PTPRE: variants seen among roughly 807,000 people sequenced by gnomAD.
The protein encoded by PTPRE is receptor-type tyrosine-protein phosphatase epsilon.
A neutral mutation model predicts 102.0 loss-of-function variants in PTPRE; 51 were observed. That is an observed-to-expected ratio of 0.50 (90% CI 0.40 to 0.63). PTPRE has a LOEUF of 0.63. Ranked by LOEUF, PTPRE falls within the 30% of genes least tolerant of loss-of-function variation. PTPRE has a pLI of 0.00. For synonymous variants in PTPRE, 345 were observed against 348.2 expected, an observed-to-expected ratio of 0.99 and a Z score of 0.10; for missense variants, 752 against 915.1, an observed-to-expected ratio of 0.82 and a Z score of 2.30.
At chr10:127,973,395 C>T (rs1438346761) in intron 1 of PTPRE, among the ~76,000 whole-genome samples, 3 of 152,168 alleles carry the variant, frequency 2.0e-5, no homozygotes. Context: ...AGAATCTTCT[C>T]TGTTATCTCT....
At chr10:128,057,023 C>T (rs569409984) in intron 7 of PTPRE, among the ~76,000 whole-genome samples, 244 of 152,152 alleles carry the variant, frequency 1.6e-3, no homozygotes, top group Middle Eastern at 0.01. Context: ...CAAGACCAGC[C>T]TGGCCAAGAT....
intron 2 of PTPRE, among the ~76,000 whole-genome samples, chr10:127,991,988 T>G (rs1564857264): frequency 6.6e-6 from 1 of 152,158 alleles, no homozygotes; most frequent in African/African-American, 2.4e-5. Flanking sequence ...CTGCCTGTCC[T>G]GAGCACTGAC....
Position 128,070,467 on chromosome 10 carries a change from C to G in PTPRE, c.1293+17C>G. On this transcript the variant is annotated intron_variant, in intron 14 of 20. Transcript: ENST00000254667. This position sits in a 1 kb window ranked among gnomAD's most constrained non-coding sequence, Gnocchi z 4.8. ...GAGTTCAGGGTGAGTACAGCTGACCCTCCTCTCCATCCTGGTGTAAGCAGC... is the reference window on the plus strand; with the variant it reads ...GAGTTCAGGGTGAGTACAGCTGACCGTCCTCTCCATCCTGGTGTAAGCAGC... 6.2e-7 allele frequency: 1 copy of G among 1,609,432 alleles called. No homozygotes were observed. Among genetic ancestry groups the G allele is most frequent in the Non-Finnish European group, 8.5e-7 (1 of 1,178,164 alleles).
rs571360325 is a variant in PTPRE at position 128,065,446 on chromosome 10, G to A, written c.724-629G>A. Among the ~76,000 whole-genome samples, 280 of 152,340 alleles carry A rather than the reference G, an allele frequency of 1.8e-3. 2 individuals carry two copies. Among genetic ancestry groups the A allele is most frequent in the Non-Finnish European group, 3.5e-3 (238 of 68,036 alleles). ...TGCAAAATGAAAGGGCTCCTGGAAC[G>A]TGTATTTTGGGTCATTCTTGCTTCA... On this transcript the variant is annotated intron_variant, in intron 10 of 20. Coordinates refer to ENST00000254667, the MANE Select transcript of PTPRE (RefSeq NM_006504.6).
intron 2 of PTPRE, among the ~76,000 whole-genome samples, chr10:128,038,492 T>C (rs2135785169): frequency 6.6e-6 from 1 of 151,976 alleles, no homozygotes; most frequent in African/African-American, 2.4e-5. Flanking sequence ...AAGGGATGAG[T>C]TCATGTCCTT....
chr10:128,078,157 T>C (rs540360412), intron 19 of PTPRE, among the ~76,000 whole-genome samples: 253 of 151,914 alleles, frequency 1.7e-3, no homozygotes, highest in Non-Finnish European at 2.7e-3. Context: ...ACTGCCTTAC[T>C]GGGCTGCATT....
rs1844693254 is a variant in PTPRE, at chr10:128,008,414, G to C, written c.-8+26118G>C. Reference sequence around the variant, plus strand: ...CTGAAAAAGCCTCCCATCAAGGAGAGAAATCCTAGAGATGCTTAGCAAAAG... The same window carrying C: ...CTGAAAAAGCCTCCCATCAAGGAGACAAATCCTAGAGATGCTTAGCAAAAG... On this transcript the variant is annotated intron_variant, in intron 2 of 20. Transcript: ENST00000254667. This position sits in a 1 kb window ranked among gnomAD's most constrained non-coding sequence, Gnocchi z 4.0. Among the ~76,000 whole-genome samples the C allele has an allele frequency of 1.3e-5, 2 of 152,220 alleles. No individual in the cohort carries two copies. Among genetic ancestry groups the C allele is most frequent in the South Asian group, 4.1e-4 (2 of 4,836 alleles).
At chr10:128,021,523 A>G (rs1845887722) in intron 2 of PTPRE, among the ~76,000 whole-genome samples, 1 of 152,236 alleles carries the variant, frequency 6.6e-6, no homozygotes, top group African/African-American at 2.4e-5. Context: ...GCTCCCCAGA[A>G]CATGAGCTCT....
chr10:128,040,008 G>A (rs1847542161), intron 2 of PTPRE, among the ~76,000 whole-genome samples: 1 of 152,204 alleles, frequency 6.6e-6, no homozygotes, highest in Non-Finnish European at 1.5e-5. Context: ...GCATGAAAGA[G>A]CCTTTTTCTG....
At chr10:128,067,210 A>G (rs1184562723) in intron 11 of PTPRE, among the ~76,000 whole-genome samples, 1 of 150,928 alleles carries the variant, frequency 6.6e-6, no homozygotes, top group Admixed American at 6.6e-5. Context: ...ATACACCCAC[A>G]CACATTCACA....
chr10:128,052,045 G>T (rs545520549), intron 6 of PTPRE, among the ~76,000 whole-genome samples: 1 of 152,014 alleles, frequency 6.6e-6, no homozygotes, highest in South Asian at 2.1e-4. Context: ...TACTTTTTTT[G>T]TAGAGATGGG....
chr10:127,998,152 C>T (rs1474023843), intron 2 of PTPRE: 5 of 152,212 alleles, frequency 3.3e-5, no homozygotes, highest in Admixed American at 1.3e-4. Context: ...CAGTCAGTAG[C>T]GCTGGCTGTC....
chr10:128,040,985 C>T lies in PTPRE; in HGVS notation c.104C>T (p.Thr35Ile). The T allele has an allele frequency of 6.2e-7, 1 of 1,614,030 alleles. No individual in the cohort carries two copies. Among genetic ancestry groups the T allele is most frequent in the Non-Finnish European group, 8.5e-7 (1 of 1,179,968 alleles). ...GCCGACAGCAACGAGACAACCACGA[C>T]CTCAGGTAAGGACCCCTTTCCCTGG... ...TTADSNETTT[T>I]SGPPDPGASQ... Residue 35 changes from threonine (T) to isoleucine (I), a missense_variant, in exon 3 of 21, where the codon ACC (threonine) becomes ATC (isoleucine). Around this residue, in one of 2 missense-constraint regions of PTPRE, gnomAD observed 116 missense variants for 90.8 expected, o/e 1.28. Coordinates refer to ENST00000254667, the MANE Select transcript of PTPRE (RefSeq NM_006504.6).
At chr10:128,056,257 C>A in intron 7 of PTPRE, 44 bp downstream of exon 7, 2 of 1,512,860 alleles carry the variant, frequency 1.3e-6, no homozygotes, top group Non-Finnish European at 1.8e-6. Flanking sequence ...GGTGTTTGCA[C>A]TAAACTCAGC....
intron 2 of PTPRE, among the ~76,000 whole-genome samples, chr10:128,040,166 C>T (rs916775362): frequency 2.6e-5 from 4 of 152,180 alleles, no homozygotes; most frequent in Non-Finnish European, 5.9e-5. Context: ...ACCTCCACTT[C>T]ACCTGAGAGT....
At chr10:128,035,963 G>T (rs1406570898) in intron 2 of PTPRE, among the ~76,000 whole-genome samples, 1 of 152,168 alleles carries the variant, frequency 6.6e-6, no homozygotes, top group African/African-American at 2.4e-5. Context: ...CTTACACAGG[G>T]CCAGACAGTG....
chr10:127,934,017 C>G (rs1368166951), intron 1 of PTPRE: 1 of 107,336 alleles, frequency 9.3e-6, no homozygotes, highest in African/African-American at 4.1e-5. Flanking sequence ...TTCCCCCCAC[C>G]CCCCGCGCAC....
intron 1 of PTPRE, among the ~76,000 whole-genome samples, chr10:127,948,851 G>T (rs146453624): frequency 6.6e-6 from 1 of 152,350 alleles, no homozygotes; most frequent in Non-Finnish European, 1.5e-5. Flanking sequence ...TCCTTCCAGA[G>T]GAATTTAGCA....
intron 2 of PTPRE, among the ~76,000 whole-genome samples, chr10:127,983,137 C>A (rs977105835): frequency 1.3e-5 from 2 of 152,170 alleles, no homozygotes; most frequent in African/African-American, 2.4e-5. Flanking sequence ...TGTTCCCTGG[C>A]TGGCCCTCTT....
Sources: gnomAD v4.1 joint callset for allele counts (sites outside exome capture counted in the v4.1 genomes callset) on GRCh38, gnomAD v4.1.1 for gene constraint, gnomAD v4.1.1 regional missense constraint, Gnocchi (gnomAD v3.1) non-coding constraint, MANE v1.5 for transcripts, NCBI Gene and HGNC (gene_info 2026-07-23, HGNC 2026-07-21) for gene names.